Variants in DPP6 observed in about 807,000 individuals in gnomAD.
The protein encoded by DPP6 is dipeptidyl peptidase like 6.
Under a neutral mutation model 122.6 loss-of-function variants are expected in DPP6, and 69 were observed. That is an observed-to-expected ratio of 0.56 (90% CI 0.46 to 0.69). The LOEUF is 0.69. Ranked by LOEUF, DPP6 falls within the 30% of genes least tolerant of loss-of-function variation. DPP6 has a pLI of 0.00. For missense variants in DPP6, 928 were observed against 1,116.9 expected (o/e 0.83, Z 2.41); for synonymous variants, 418 against 433.1 (o/e 0.97, Z 0.43).
intron 16 of DPP6, among the ~76,000 whole-genome samples, chr7:154,837,670 T>G (rs1276916698): frequency 6.6e-6 from 1 of 152,280 alleles, no homozygotes; most frequent in Admixed American, 6.5e-5. Flanking sequence ...TCTTGTATAG[T>G]GTGGCCCTTT....
At chr7:154,423,188 A>C (rs1266424812) in intron 1 of DPP6, among the ~76,000 whole-genome samples, 1 of 152,222 alleles carries the variant, frequency 6.6e-6, no homozygotes, top group East Asian at 1.9e-4. Context: ...CGTGAACTAA[A>C]TTCAACTTCC....
rs561978651 is a variant in DPP6, at chr7:154,801,608, G to A, written c.1407+146G>A. The A allele has an allele frequency of 4.2e-5, 49 of 1,171,504 alleles. 2 individuals carry two copies. The African/African-American group carries it at 4.3e-4, about 10-fold the overall frequency. 72.6% of individuals were successfully genotyped at this position (1,171,504 alleles called of 1,614,324 possible). ...TCCCGAAGGCAGGGCAGGGCATGGC[G>A]CTGGTGAGTGCAGAGGTTCCCATCA... is the stretch of plus-strand genomic sequence containing the variant. On this transcript the variant is annotated intron_variant, in intron 13 of 25. Transcript: ENST00000377770.
chr7:154,359,266 T>C (rs1279744569), intron 1 of DPP6, among the ~76,000 whole-genome samples: 2 of 152,136 alleles, frequency 1.3e-5, no homozygotes, highest in Non-Finnish European at 2.9e-5. Context: ...AACAAGGCAT[T>C]CATTTAGTTA....
chr7:153,803,864 T>TATACACAC, the DPP6 span, among the ~76,000 whole-genome samples: 1 of 149,754 alleles, frequency 6.7e-6, no homozygotes, highest in Non-Finnish European at 1.5e-5. Flanking sequence ...CATATATATA[T>TATACACAC]ACACACAAGG....
At chr7:154,297,554 T>C (rs900668898) in intron 1 of DPP6, among the ~76,000 whole-genome samples, 8 of 152,162 alleles carry the variant, frequency 5.3e-5, no homozygotes, top group Non-Finnish European at 2.9e-5. Flanking sequence ...ACACAATGGA[T>C]AGGAGTAATA....
rs551280252 is a variant in DPP6, at chr7:153,897,731, G to T, written c.51+9997G>T. Among the ~76,000 whole-genome samples the T allele has an allele frequency of 3.9e-5, 6 of 152,198 alleles. No homozygotes were observed. In the South Asian group the frequency reaches 1.2e-3, roughly 32 times the overall value. On this transcript the variant is annotated intron_variant, in intron 1 of 25. Transcript: ENST00000404039. ...TATTTTTTATTCAATCATTGCCATC[G>T]TTATCTGTTTCTTAGCTTCCACAAA... is the stretch of plus-strand genomic sequence containing the variant.
In DPP6 at chr7:154,413,196, A is replaced by G. The variant is rs557395529; in HGVS notation, c.244-33018A>G. 6.6e-5 allele frequency among the ~76,000 whole-genome samples: 10 copies of G among 152,340 alleles called. 1 individual carries two copies. In the South Asian group the frequency reaches 1.2e-3, roughly 19 times the overall value. Reference sequence around the variant, plus strand: ...CCCCAGTCATCCAATTCCTTGGGCTATCTTAAATTCTTTTCCAGTCTCTTC... The same window carrying G: ...CCCCAGTCATCCAATTCCTTGGGCTGTCTTAAATTCTTTTCCAGTCTCTTC... On this transcript the variant is annotated intron_variant, in intron 1 of 25. Transcript: ENST00000377770.
the DPP6 span, among the ~76,000 whole-genome samples, chr7:153,786,588 A>C: frequency 7.7e-4 from 116 of 150,864 alleles, 1 homozygote; most frequent in Non-Finnish European, 1.2e-3. Flanking sequence ...AATACAAAAA[A>C]ATTAGCCGGG....
At chr7:154,061,325 C>T (rs1052012399) in intron 1 of DPP6, among the ~76,000 whole-genome samples, 1 of 148,132 alleles carries the variant, frequency 6.8e-6, no homozygotes, top group African/African-American at 2.5e-5. Flanking sequence ...TGGGGCTACC[C>T]GATCTGACAA....
the DPP6 span, among the ~76,000 whole-genome samples, chr7:153,784,172 G>A: frequency 6.6e-6 from 1 of 152,130 alleles, no homozygotes; most frequent in African/African-American, 2.4e-5. Context: ...TAAAATTAAA[G>A]TTCATCAACA....
chr7:154,387,640 G>A (rs1431431806), intron 1 of DPP6, among the ~76,000 whole-genome samples: 1 of 152,058 alleles, frequency 6.6e-6, no homozygotes, highest in Non-Finnish European at 1.5e-5. Flanking sequence ...TCCTTCACCA[G>A]CCCCCACATT....
At chr7:154,827,170 T>A (rs556404476) in intron 16 of DPP6, among the ~76,000 whole-genome samples, 3 of 150,944 alleles carry the variant, frequency 2.0e-5, no homozygotes, top group African/African-American at 7.3e-5. Context: ...ATGAGATACA[T>A]AATCTACACT....
intron 3 of DPP6, among the ~76,000 whole-genome samples, chr7:154,498,315 C>T (rs1027339064): frequency 6.6e-6 from 1 of 152,036 alleles, no homozygotes. Flanking sequence ...TACAAGCAAT[C>T]AGAGATAGAC....
At chr7:154,078,437 G>A (rs996061747) in intron 1 of DPP6, among the ~76,000 whole-genome samples, 1 of 151,704 alleles carries the variant, frequency 6.6e-6, no homozygotes, top group African/African-American at 2.4e-5. Flanking sequence ...CCTTGAAGAT[G>A]AAGCAAGATT....
intron 1 of DPP6, among the ~76,000 whole-genome samples, chr7:153,908,089 A>G (rs1799928663): frequency 7.0e-6 from 1 of 142,282 alleles, no homozygotes; most frequent in Non-Finnish European, 1.5e-5. Flanking sequence ...ATACATTGAT[A>G]CAATTCTTTT....
rs533996070 is a variant in DPP6, at chr7:154,226,610, G to A, written c.243+173547G>A. On this transcript the variant is annotated intron_variant, in intron 1 of 25. Transcript: ENST00000377770. Reference sequence around the variant, plus strand: ...GGAACTTTATCAAACTCCAGAATATGTGACAGTGGACATGTGATCCTATTA... The same window carrying A: ...GGAACTTTATCAAACTCCAGAATATATGACAGTGGACATGTGATCCTATTA... Among the ~76,000 whole-genome samples the A allele has an allele frequency of 8.5e-5, 13 of 152,292 alleles. No homozygotes were observed. The East Asian group carries it at 1.5e-3, about 18-fold the overall frequency.
At chr7:154,796,780 A>T (rs1342456487) in intron 12 of DPP6, among the ~76,000 whole-genome samples, 1 of 152,212 alleles carries the variant, frequency 6.6e-6, no homozygotes, top group Non-Finnish European at 1.5e-5. Flanking sequence ...AGCACTATAG[A>T]TGCTGGGCTG....
At chr7:153,885,117 G>T (rs80143673), upstream of DPP6, among the ~76,000 whole-genome samples, 17 of 149,652 alleles carry the variant, frequency 1.1e-4, 1 homozygote, top group Admixed American at 1.0e-3. Flanking sequence ...TGCTTGGTGG[G>T]AAAGAGAGGG....
chr7:153,950,795 T>A (rs984665352), intron 1 of DPP6, among the ~76,000 whole-genome samples: 3 of 152,168 alleles, frequency 2.0e-5, no homozygotes, highest in African/African-American at 2.4e-5. Flanking sequence ...ACATGTACAA[T>A]GGCAAGGAAC....
Sources: gnomAD v4.1 joint callset for allele counts (sites outside exome capture counted in the v4.1 genomes callset) on GRCh38, gnomAD v4.1.1 for gene constraint, MANE v1.5 for transcripts, NCBI Gene and HGNC (gene_info 2026-07-23, HGNC 2026-07-21) for gene names.